ABHD2: variants seen among roughly 807,000 people sequenced by gnomAD.
ABHD2 encodes the protein monoacylglycerol lipase ABHD2.
In ABHD2, 20 loss-of-function variants were observed where a neutral mutation model predicts 48.1. The ratio of observed to expected loss-of-function variants is 0.42; its 90% confidence interval spans 0.29 to 0.60. The LOEUF is 0.60. Ranked by LOEUF, ABHD2 falls within the 20% of genes least tolerant of loss-of-function variation. The pLI, the probability that ABHD2 is intolerant of heterozygous loss-of-function variation, is 0.24. For synonymous variants in ABHD2, 209 were observed against 214.2 expected, an observed-to-expected ratio of 0.98 and a Z score of 0.21; for missense variants, 405 against 550.9, an observed-to-expected ratio of 0.74 and a Z score of 2.65.
intron 1 of ABHD2, among the ~76,000 whole-genome samples, chr15:89,109,441 C>T (rs562813558): frequency 4.6e-5 from 7 of 152,212 alleles, no homozygotes; most frequent in Non-Finnish European, 1.0e-4. Context: ...GAAGCCCAGC[C>T]CATCATGAAG....
At chr15:89,161,287 C>A (rs551963267) in intron 5 of ABHD2, among the ~76,000 whole-genome samples, 2 of 152,074 alleles carry the variant, frequency 1.3e-5, no homozygotes, top group South Asian at 4.1e-4. Context: ...TAGAATAAAC[C>A]CCAGTGTACC....
chr15:89,135,572 C>T (rs763792062), intron 3 of ABHD2: 1 of 1,514,364 alleles, frequency 6.6e-7, no homozygotes, highest in Non-Finnish European at 9.0e-7. Context: ...TCTTCCTCCT[C>T]CTCATTCTTA....
chr15:89,178,699 T>A (rs137878679), intron 6 of ABHD2, among the ~76,000 whole-genome samples: 1 of 152,312 alleles, frequency 6.6e-6, no homozygotes, highest in East Asian at 1.9e-4. Context: ...ACAGATGCCC[T>A]GAAATCACCT....
the ABHD2 span, among the ~76,000 whole-genome samples, chr15:89,071,678 C>A: frequency 6.6e-6 from 1 of 152,196 alleles, no homozygotes; most frequent in South Asian, 2.1e-4. Context: ...ACATGTTCCT[C>A]ATAGACAGGA....
At chr15:89,068,754 C>CTTTTTTTTTTTTTTTTTTTTT in the ABHD2 span, among the ~76,000 whole-genome samples, 2 of 71,354 alleles carry the variant, frequency 2.8e-5, no homozygotes, top group Admixed American at 2.4e-4. Flanking sequence ...CAAGCTTCCT[C>CTTTTTTTTTTTTTTTTTTTTT]TTTTTTTTTT....
At chr15:89,059,553 G>GA in the ABHD2 span, among the ~76,000 whole-genome samples, 2,081 of 152,116 alleles carry the variant, frequency 0.014, 36 homozygotes, top group Middle Eastern at 0.027. Flanking sequence ...AATGAAAGGG[G>GA]AAAAAAACCT....
At position 89,094,718 on chromosome 15, in the gene ABHD2, C is replaced by T. The variant is rs1441609493; in HGVS notation, c.-107+6155C>T. On this transcript the variant is annotated intron_variant, in intron 1 of 10. Coordinates refer to ENST00000352732, the MANE Select transcript of ABHD2 (RefSeq NM_152924.5). The surrounding 1 kb of genome is among the most constrained non-coding windows in gnomAD (Gnocchi z 4.7). ...GCAAGACTCCGTCTCAAAACAGCAA[C>T]AACAACAACAACAAAAACAAATAAG... is the stretch of plus-strand genomic sequence containing the variant. Among the ~76,000 whole-genome samples, 1 of 150,416 alleles carries T rather than the reference C, an allele frequency of 6.6e-6. No individual in the cohort carries two copies. Among genetic ancestry groups the T allele is most frequent in the African/African-American group, 2.4e-5 (1 of 40,876 alleles).
rs28605914 is a variant in ABHD2 at position 89,137,579 on chromosome 15, A to G, written c.195-14098A>G. Among the ~76,000 whole-genome samples the G allele has an allele frequency of 0.038, 5,761 of 152,274 alleles. 369 individuals carry two copies. The highest frequency in any genetic ancestry group is 0.13 in the African/African-American group (5,456 of 41,530). ...AAGAGGATTGCTCTTTTGTTTCCTC[A>G]GGCCACTTTTGGTCATTTCAGGCAG... On this transcript the variant is annotated intron_variant, in intron 3 of 10. Coordinates refer to ENST00000352732, the MANE Select transcript of ABHD2 (RefSeq NM_152924.5). This position sits in a 1 kb window ranked among gnomAD's most constrained non-coding sequence, Gnocchi z 4.8.
intron 3 of ABHD2, among the ~76,000 whole-genome samples, chr15:89,139,592 G>T (rs555657830): frequency 6.6e-6 from 1 of 152,086 alleles, no homozygotes; most frequent in African/African-American, 2.4e-5. Flanking sequence ...AGGCAGGTTC[G>T]GACCTGATAA....
rs936376351 is a variant in ABHD2, at chr15:89,104,823, G to A, written c.-106-8902G>A. ...TGGGTGGCATCTCTATGGTGCCCAG[G>A]ACAATCAATCTGGAGATGCCCTCTT... is the stretch of plus-strand genomic sequence containing the variant. On this transcript the variant is annotated intron_variant, in intron 1 of 10. Coordinates refer to ENST00000352732, the MANE Select transcript of ABHD2 (RefSeq NM_152924.5). The surrounding 1 kb of genome is among the most constrained non-coding windows in gnomAD (Gnocchi z 4.4). Among the ~76,000 whole-genome samples, 6 of 152,146 alleles carry A rather than the reference G, an allele frequency of 3.9e-5. No individual in the cohort carries two copies. The highest frequency in any genetic ancestry group is 1.4e-4 in the African/African-American group (6 of 41,426).
In ABHD2 at chr15:89,106,660, TCTGA is replaced by T. The variant is rs1206295480; in HGVS notation, c.-106-7062_-106-7059del. Among the ~76,000 whole-genome samples the T allele has an allele frequency of 6.6e-6, 1 of 152,158 alleles. No individual in the cohort carries two copies. Among genetic ancestry groups the T allele is most frequent in the African/African-American group, 2.4e-5 (1 of 41,456 alleles). The stretch of plus-strand genomic sequence containing the variant: ...ATGGTTTTTTTCCCCCTATGATGGC[TCTGA>T]CTAATTTAGTTAAATGGCAGATAAA... On this transcript the variant is annotated intron_variant, in intron 1 of 10. Transcript: ENST00000352732. This position sits in a 1 kb window ranked among gnomAD's most constrained non-coding sequence, Gnocchi z 4.2.
At chr15:89,060,874 A>G in the ABHD2 span, among the ~76,000 whole-genome samples, 321 of 152,256 alleles carry the variant, frequency 2.1e-3, no homozygotes, top group African/African-American at 7.5e-3. Context: ...TGTATATGCA[A>G]TGTGGATCGA....
the ABHD2 span, among the ~76,000 whole-genome samples, chr15:89,055,491 C>G: frequency 6.6e-6 from 1 of 151,854 alleles, no homozygotes; most frequent in Non-Finnish European, 1.5e-5. Context: ...TGCCATCATG[C>G]TCAGCTAATT....
intron 2 of ABHD2, among the ~76,000 whole-genome samples, chr15:89,115,367 GGTAT>G (rs1296545839): frequency 3.4e-5 from 4 of 117,590 alleles, no homozygotes; most frequent in East Asian, 3.3e-4. Flanking sequence ...TATGTTTGGA[GGTAT>G]GTGTGTGTGT....
intron 1 of ABHD2, among the ~76,000 whole-genome samples, chr15:89,110,710 G>A (rs2049860446): frequency 6.6e-6 from 1 of 152,210 alleles, no homozygotes; most frequent in Non-Finnish European, 1.5e-5. Flanking sequence ...ACTTCAGGTT[G>A]AAACCTTGGA....
At chr15:89,112,124 G>A (rs547497516) in intron 1 of ABHD2, among the ~76,000 whole-genome samples, 1 of 152,212 alleles carries the variant, frequency 6.6e-6, no homozygotes, top group South Asian at 2.1e-4. Flanking sequence ...ACCACTAATA[G>A]GGAGTGGTGG....
the ABHD2 span, among the ~76,000 whole-genome samples, chr15:89,057,683 T>G: frequency 1.1e-4 from 17 of 152,080 alleles, 2 homozygotes; most frequent in South Asian, 2.3e-3. Flanking sequence ...CTCCATGGCC[T>G]CAGGGTGGCG....
At position 89,186,897 on chromosome 15, in the gene ABHD2, A is replaced by G. The variant is rs2051219372; in HGVS notation, c.816-1296A>G. Among the ~76,000 whole-genome samples, 1 of 152,218 alleles carries G rather than the reference A, an allele frequency of 6.6e-6. No individual in the cohort carries two copies. The highest frequency in any genetic ancestry group is 2.4e-5 in the African/African-American group (1 of 41,456). The stretch of plus-strand genomic sequence containing the variant: ...CAAGGCTGGGCTTGAAGGCCCCATC[A>G]GGCTGCCACGTTGCCAAACATGTCC... On this transcript the variant is annotated intron_variant, in intron 7 of 10. Coordinates refer to ENST00000352732, the MANE Select transcript of ABHD2 (RefSeq NM_152924.5). The surrounding 1 kb of genome is among the most constrained non-coding windows in gnomAD (Gnocchi z 4.3).
chr15:89,062,563 A>C, the ABHD2 span, among the ~76,000 whole-genome samples: 1 of 151,738 alleles, frequency 6.6e-6, no homozygotes, highest in Admixed American at 6.6e-5. Context: ...AAGTTTTGTA[A>C]TTTTTGTAGA....
Sources: allele counts gnomAD v4.1 joint callset (sites outside exome capture counted in the v4.1 genomes callset), GRCh38; gene constraint gnomAD v4.1.1; non-coding constraint Gnocchi (gnomAD v3.1); transcripts MANE v1.5; gene names NCBI Gene and HGNC (gene_info 2026-07-23, HGNC 2026-07-21).